RB1: variants seen among roughly 807,000 people sequenced by gnomAD.
RB1 encodes retinoblastoma-associated protein.
In RB1, 18 loss-of-function variants were observed where a neutral mutation model predicts 135.4. The observed-to-expected ratio is 0.13, with a 90% confidence interval of 0.09 to 0.20. The LOEUF is 0.20. RB1 is among the 10% of genes least tolerant of loss of function. The pLI, the probability that RB1 is intolerant of heterozygous loss-of-function variation, is 1.00. For synonymous variants in RB1, 365 were observed against 373.2 expected, an observed-to-expected ratio of 0.98 and a Z score of 0.25; for missense variants, 868 against 1,110.0, an observed-to-expected ratio of 0.78 and a Z score of 3.10.
rs1952845114 is a variant in RB1 at position 48,378,030 on chromosome 13, G to A, written c.1332+996G>A. Among the ~76,000 whole-genome samples the A allele has an allele frequency of 3.3e-5, 5 of 152,188 alleles. No individual in the cohort carries two copies. The South Asian group carries it at 1.0e-3, about 31-fold the overall frequency. On this transcript the variant is annotated intron_variant, in intron 13 of 26. Transcript: ENST00000267163. ...CACTTACTATGAAAGGAGCTTACAG[G>A]ATTGAAAGTTGCTCTGAATGAGTCA...
intron 2 of RB1, among the ~76,000 whole-genome samples, chr13:48,338,698 C>T (rs1952410136): frequency 6.6e-6 from 1 of 152,256 alleles, no homozygotes. Flanking sequence ...CATTCTCCAT[C>T]CAGCTTTGTT....
At chr13:48,317,883 G>GC (rs1952199778) in intron 2 of RB1, 1 of 400,762 alleles carries the variant, frequency 2.5e-6, no homozygotes, top group Admixed American at 3.2e-5. Context: ...GCCTGAATGA[G>GC]CCCCATTTCC....
chr13:48,444,151 G>T lies in RB1; in HGVS notation c.1696-8842G>T, dbSNP rs554663290. On this transcript the variant is annotated intron_variant, in intron 17 of 26. Coordinates refer to ENST00000267163, the MANE Select transcript of RB1 (RefSeq NM_000321.3). The stretch of plus-strand genomic sequence containing the variant: ...ACCATCCTAGGCCTCCAGAACTTCT[G>T]ACCTACTGGCTTCAAATTGGGGTTC... Among the ~76,000 whole-genome samples, 72 of 152,178 alleles carry T rather than the reference G, an allele frequency of 4.7e-4. 2 individuals are homozygous for T. In the South Asian group the frequency reaches 0.015, roughly 32 times the overall value.
At position 48,379,614 on chromosome 13, in the gene RB1, C is replaced by G. The variant is rs912889209; in HGVS notation, c.1353C>G (p.Arg451=). 1.2e-6 allele frequency: 2 copies of G among 1,612,370 alleles called. No individual in the cohort carries two copies. The highest frequency in any genetic ancestry group is 1.7e-6 in the Non-Finnish European group (2 of 1,179,658). ...IGSQRYKLGV[R]LYYRVMESML... ...TGTAGCGATACAAACTTGGAGTTCG[C>G]TTGTATTACCGAGTAATGGAATCCA... Residue 451 remains arginine, a synonymous_variant, in exon 14 of 27, where the codon CGC becomes CGG. Coordinates refer to ENST00000267163, the MANE Select transcript of RB1 (RefSeq NM_000321.3).
intron 17 of RB1, among the ~76,000 whole-genome samples, chr13:48,422,165 TACC>T: frequency 6.6e-6 from 1 of 152,158 alleles, no homozygotes; most frequent in Non-Finnish European, 1.5e-5. Flanking sequence ...GGCACATATA[TACC>T]ATCGAATACT....
chr13:48,389,929 A>C (rs1948598757), intron 17 of RB1: 1 of 152,280 alleles, frequency 6.6e-6, no homozygotes, highest in Non-Finnish European at 1.5e-5. Context: ...CCAAGGTGAG[A>C]GGATTGCTTG....
At chr13:48,464,258 G>A (rs1439527740) in intron 21 of RB1, among the ~76,000 whole-genome samples, 1 of 152,176 alleles carries the variant, frequency 6.6e-6, no homozygotes, top group African/African-American at 2.4e-5. Flanking sequence ...TCCCTTTAGA[G>A]AAATAGTAGT....
At chr13:48,339,801 G>A (rs1376929548) in intron 2 of RB1, among the ~76,000 whole-genome samples, 4 of 152,054 alleles carry the variant, frequency 2.6e-5, no homozygotes, top group South Asian at 2.1e-4. Flanking sequence ...TTTCCTATTC[G>A]GCCATCTTCT....
chr13:48,310,150 G>A (rs894999249), intron 2 of RB1, among the ~76,000 whole-genome samples: 3 of 152,074 alleles, frequency 2.0e-5, no homozygotes, highest in Non-Finnish European at 2.9e-5. Context: ...TTAGAGTTAC[G>A]TTTTTGAGGT....
At chr13:48,351,890 T>A (rs943868184) in intron 6 of RB1, among the ~76,000 whole-genome samples, 7 of 152,092 alleles carry the variant, frequency 4.6e-5, no homozygotes, top group African/African-American at 1.7e-4. Flanking sequence ...GCCAGGCTGG[T>A]CTTGAACTCC....
In RB1 at chr13:48,465,238, C is replaced by T. The variant is rs137853293; in HGVS notation, c.2359C>T (p.Arg787Ter). The stretch of plus-strand genomic sequence containing the variant: ...CTTGTCACCAATACCTCACATTCCT[C>T]GAAGCCCTTACAAGTTTCCTAGTTC... The part of the protein sequence containing the change: ...PTLSPIPHIP[R>*]SPYKFPSSPL... The change falls in exon 23 of 27, where the codon CGA (arginine) becomes TGA (stop). Residue 787 changes from arginine to a stop codon, truncating the protein, a stop_gained. Transcript: ENST00000267163. LOFTEE classifies it high-confidence loss of function. The T allele has an allele frequency of 6.2e-7, 1 of 1,613,928 alleles. No individual in the cohort carries two copies. Among genetic ancestry groups the T allele is most frequent in the Non-Finnish European group, 8.5e-7 (1 of 1,179,892 alleles).
chr13:48,313,153 A>G (rs762995951), intron 2 of RB1, among the ~76,000 whole-genome samples: 1 of 152,110 alleles, frequency 6.6e-6, no homozygotes, highest in South Asian at 2.1e-4. Flanking sequence ...GATAGTATTC[A>G]TATTCATGCG....
rs982078097 is a variant in RB1, at chr13:48,481,370, G to A, written c.*1299G>A. ...TCTCCCCTCCCCTACACCTAAAGGT[G>A]TATTTAAACTATCTTGTGTGATTAA... On this transcript the variant is annotated 3_prime_UTR_variant, in exon 27 of 27. Transcript: ENST00000267163. The A allele has an allele frequency of 4.3e-6, 1 of 231,722 alleles. No individual in the cohort carries two copies. Among genetic ancestry groups the A allele is most frequent in the African/African-American group, 2.2e-5 (1 of 45,264 alleles). The allele number at this position is 231,722 out of a possible 1,614,324, so 14.4% of individuals were successfully genotyped here.
intron 2 of RB1, among the ~76,000 whole-genome samples, chr13:48,338,611 A>C (rs953118646): frequency 6.6e-6 from 1 of 152,046 alleles, no homozygotes; most frequent in African/African-American, 2.4e-5. Flanking sequence ...TAGCTTCTTT[A>C]TGTTGGGTTA....
chr13:48,476,979 A>G, intron 25 of RB1, 136 bp downstream of exon 25: 1 of 1,149,724 alleles, frequency 8.7e-7, no homozygotes, highest in Non-Finnish European at 1.3e-6. Flanking sequence ...GGCTCAAAAT[A>G]ATAGATATGA....
At chr13:48,457,439 A>G (rs1327320056) in intron 19 of RB1, among the ~76,000 whole-genome samples, 1 of 152,154 alleles carries the variant, frequency 6.6e-6, no homozygotes, top group Non-Finnish European at 1.5e-5. Flanking sequence ...GCGGGAAGAA[A>G]GTGTGCACCG....
intron 17 of RB1, among the ~76,000 whole-genome samples, chr13:48,383,646 A>C (rs903063572): frequency 1.3e-5 from 2 of 152,072 alleles, no homozygotes; most frequent in Admixed American, 1.3e-4. Context: ...GGAGAGAAAC[A>C]TGGGAAATTG....
At chr13:48,310,131 G>T (rs1236992900) in intron 2 of RB1, among the ~76,000 whole-genome samples, 1 of 152,140 alleles carries the variant, frequency 6.6e-6, no homozygotes, top group African/African-American at 2.4e-5. Flanking sequence ...CTTGAAATAT[G>T]ATTTTAAGTT....
rs759720690 is a variant in RB1 at position 48,422,355 on chromosome 13, C to T, written c.1696-30638C>T. 3.9e-5 allele frequency among the ~76,000 whole-genome samples: 6 copies of T among 152,092 alleles called. 1 individual carries two copies. The highest frequency in any genetic ancestry group is 1.4e-4 in the African/African-American group (6 of 41,488). ...ACACAGGGAGGGGAACATCACACAT[C>T]GGGGCCTGTCGGGGTTGGGGGTTAG... On this transcript the variant is annotated intron_variant, in intron 17 of 26. Transcript: ENST00000267163.
Sources: allele counts gnomAD v4.1 joint callset (sites outside exome capture counted in the v4.1 genomes callset), GRCh38; gene constraint gnomAD v4.1.1; transcripts MANE v1.5; gene names NCBI Gene and HGNC (gene_info 2026-07-23, HGNC 2026-07-21).